The following CORO2B variants were observed in gnomAD, a reference collection of about 807,000 sequenced individuals.
CORO2B encodes the protein coronin-2B.
Under a neutral mutation model 58.8 loss-of-function variants are expected in CORO2B, and 26 were observed. That is an observed-to-expected ratio of 0.44 (90% CI 0.32 to 0.61). The LOEUF (loss-of-function observed/expected upper bound fraction) is 0.61. Among genes scored for constraint, CORO2B ranks in the 20% least tolerant of loss-of-function variants. CORO2B has a pLI of 0.04. For missense variants in CORO2B, 460 were observed against 645.1 expected, an observed-to-expected ratio of 0.71 and a Z score of 3.11; for synonymous variants, 242 against 253.8, an observed-to-expected ratio of 0.95 and a Z score of 0.44.
At chr15:68,574,882 A>T (rs973266760), upstream of CORO2B, among the ~76,000 whole-genome samples, 2 of 152,212 alleles carry the variant, frequency 1.3e-5, no homozygotes, top group Non-Finnish European at 2.9e-5. Context: ...AAAGAGGGCT[A>T]GGGCCCCAGA....
At chr15:68,681,896 T>C (rs1170971465) in intron 2 of CORO2B, among the ~76,000 whole-genome samples, 1 of 152,184 alleles carries the variant, frequency 6.6e-6, no homozygotes. Context: ...AGTCCTCTTA[T>C]GCAGAAAGGG....
chr15:68,566,300 A>G, the CORO2B span, among the ~76,000 whole-genome samples: 121 of 152,200 alleles, frequency 8.0e-4, no homozygotes, highest in African/African-American at 2.8e-3. Context: ...TAGGAGAGGA[A>G]ACAGGCCCAG....
At chr15:68,594,038 A>G (rs1421410043) in intron 1 of CORO2B, among the ~76,000 whole-genome samples, 2 of 152,230 alleles carry the variant, frequency 1.3e-5, no homozygotes, top group Non-Finnish European at 2.9e-5. Flanking sequence ...GTCTGAAGTC[A>G]GAATCCCGTC....
chr15:68,665,274 G>A (rs550370525), intron 2 of CORO2B, among the ~76,000 whole-genome samples: 2 of 152,064 alleles, frequency 1.3e-5, no homozygotes, highest in African/African-American at 4.8e-5. Context: ...AGGCTTTGCT[G>A]CATTCTACAT....
chr15:68,687,865 C>T (rs1210507645), intron 2 of CORO2B, among the ~76,000 whole-genome samples: 1 of 152,176 alleles, frequency 6.6e-6, no homozygotes, highest in Non-Finnish European at 1.5e-5. Context: ...TAACCCACTC[C>T]CAAGATAAAG....
upstream of CORO2B, among the ~76,000 whole-genome samples, chr15:68,576,681 A>G (rs907643045): frequency 6.6e-6 from 1 of 152,200 alleles, no homozygotes; most frequent in Admixed American, 6.5e-5. Flanking sequence ...CCTTCTGGCT[A>G]GAGGCTGACC....
At chr15:68,676,586 G>A (rs892881045) in intron 2 of CORO2B, among the ~76,000 whole-genome samples, 4 of 152,188 alleles carry the variant, frequency 2.6e-5, no homozygotes, top group Non-Finnish European at 4.4e-5. Context: ...TTGAACTAGA[G>A]TCCATGAGAC....
At chr15:68,594,331 A>T (rs1304412181) in intron 1 of CORO2B, among the ~76,000 whole-genome samples, 1 of 152,174 alleles carries the variant, frequency 6.6e-6, no homozygotes, top group East Asian at 1.9e-4. Context: ...GGAACAGACC[A>T]TTTCCTCCCA....
chr15:68,661,121 G>T (rs56299461), intron 2 of CORO2B, among the ~76,000 whole-genome samples: 20,154 of 152,056 alleles, frequency 0.13, 1,669 homozygotes, highest in South Asian at 0.19. Flanking sequence ...GGGATTACAG[G>T]TGCCCGCCAC....
chr15:68,575,696 C>A (rs1899271583), upstream of CORO2B, among the ~76,000 whole-genome samples: 1 of 151,758 alleles, frequency 6.6e-6, no homozygotes, highest in East Asian at 1.9e-4. Flanking sequence ...CTACTCCCCA[C>A]CTCCACTGCC....
chr15:68,716,904 T>G (rs1033983939), intron 8 of CORO2B, among the ~76,000 whole-genome samples: 1 of 151,988 alleles, frequency 6.6e-6, no homozygotes, highest in Non-Finnish European at 1.5e-5. Flanking sequence ...TGGGATGCAT[T>G]AGCCTGGGAA....
the CORO2B span, among the ~76,000 whole-genome samples, chr15:68,555,557 C>T: frequency 6.6e-6 from 1 of 152,226 alleles, no homozygotes; most frequent in Admixed American, 6.5e-5. Flanking sequence ...TCATCCCTTA[C>T]TCTATGTTCC....
At chr15:68,578,226 A>G (rs1332103368), upstream of CORO2B, among the ~76,000 whole-genome samples, 1 of 152,126 alleles carries the variant, frequency 6.6e-6, no homozygotes, top group African/African-American at 2.4e-5. This position sits in a 1 kb window ranked among gnomAD's most constrained non-coding sequence, Gnocchi z 4.2. Flanking sequence ...GTAGAGCGGC[A>G]CTCAGTGGTA....
chr15:68,612,510 A>T (rs1348165864), intron 1 of CORO2B, among the ~76,000 whole-genome samples: 1 of 152,228 alleles, frequency 6.6e-6, no homozygotes, highest in African/African-American at 2.4e-5. Flanking sequence ...GGGGTAGAGC[A>T]GGAAAACTGA....
intron 1 of CORO2B, among the ~76,000 whole-genome samples, chr15:68,599,215 G>A (rs560213784): frequency 9.6e-4 from 146 of 152,300 alleles, no homozygotes; most frequent in African/African-American, 3.2e-3. Context: ...CCTCCACAGA[G>A]CCTTCTCTGA....
intron 1 of CORO2B, among the ~76,000 whole-genome samples, chr15:68,627,055 T>C (rs1900703759): frequency 6.6e-6 from 1 of 152,198 alleles, no homozygotes; most frequent in African/African-American, 2.4e-5. Flanking sequence ...GGTACTTACC[T>C]TTTTTCTGCC....
intron 3 of CORO2B, among the ~76,000 whole-genome samples, chr15:68,700,047 G>A (rs765945362): frequency 2.6e-5 from 4 of 152,184 alleles, no homozygotes; most frequent in Non-Finnish European, 4.4e-5. Flanking sequence ...CTTCCAGGGG[G>A]TGGACAGGAG....
intron 3 of CORO2B, among the ~76,000 whole-genome samples, chr15:68,699,825 C>T (rs936913391): frequency 1.3e-5 from 2 of 152,326 alleles, no homozygotes; most frequent in Middle Eastern, 6.8e-3. Context: ...ACTCTCAGCC[C>T]CTCACCAGTG....
At chr15:68,678,922 C>T (rs1023549780) in intron 2 of CORO2B, among the ~76,000 whole-genome samples, 16 of 152,200 alleles carry the variant, frequency 1.1e-4, no homozygotes, top group South Asian at 2.1e-4. Flanking sequence ...GCCAGGGGAC[C>T]GCTGTACTCA....
Sources: gnomAD v4.1 joint callset for allele counts (sites outside exome capture counted in the v4.1 genomes callset) on GRCh38, gnomAD v4.1.1 for gene constraint, Gnocchi (gnomAD v3.1) non-coding constraint, MANE v1.5 for transcripts, NCBI Gene and HGNC (gene_info 2026-07-23, HGNC 2026-07-21) for gene names.